The following BTK variants were observed in gnomAD, a reference collection of about 807,000 sequenced individuals.
BTK encodes the protein tyrosine-protein kinase BTK.
BTK carries 5 observed loss-of-function variants against 57.4 expected under a neutral mutation model. That is an observed-to-expected ratio of 0.09 (90% confidence interval 0.05 to 0.18). The LOEUF (loss-of-function observed/expected upper bound fraction) is 0.18. Ranked by LOEUF, BTK falls within the 10% of genes least tolerant of loss-of-function variation. The pLI is 1.00. For missense variants in BTK, 194 were observed against 501.2 expected (o/e 0.39, Z 5.85); for synonymous variants, 154 against 174.3 (o/e 0.88, Z 0.92).
chrX:101,374,029 A>G (rs1465062213), intron 3 of BTK, among the ~76,000 whole-genome samples: 2 of 110,241 alleles, frequency 1.8e-5, no homozygotes, highest in African/African-American at 3.3e-5. Flanking sequence ...TGGGCAACAG[A>G]GCGAGACTCT....
chrX:101,358,070 C>T, intron 12 of BTK: 1 of 499,493 alleles, frequency 2.0e-6, no homozygotes, highest in South Asian at 2.5e-5. Context: ...AATCAGTCAC[C>T]AGCCTCTTTT....
intron 7 of BTK, among the ~76,000 whole-genome samples, chrX:101,361,311 C>T (rs1352659694): frequency 9.0e-6 from 1 of 110,965 alleles, no homozygotes; most frequent in Admixed American, 9.6e-5. Context: ...GAATGGGACC[C>T]AAACATTACT....
chrX:101,368,600 A>G (rs1221530945), intron 5 of BTK, among the ~76,000 whole-genome samples: 1 of 112,538 alleles, frequency 8.9e-6, no homozygotes, highest in Non-Finnish European at 1.9e-5. Flanking sequence ...AAGATCAAAT[A>G]AGTAATACAT....
chrX:101,376,843 C>T (rs781891132), intron 1 of BTK, among the ~76,000 whole-genome samples: 11 of 110,424 alleles, frequency 1.0e-4, no homozygotes, highest in Non-Finnish European at 2.1e-4. Context: ...ACTTTTTAAG[C>T]AGATTATTGC....
At chrX:101,362,385 G>A (rs1926701762) in intron 6 of BTK, 145 bp from the exon 7 acceptor site, 6 of 971,790 alleles carry the variant, frequency 6.2e-6, no homozygotes, top group East Asian at 3.1e-5. Flanking sequence ...CACATAGCTT[G>A]GAGAGCAGAT....
chrX:101,371,834 C>T, intron 3 of BTK, 133 bp from the exon 4 acceptor site: 2 of 541,031 alleles, frequency 3.7e-6, no homozygotes, highest in South Asian at 5.0e-5. Flanking sequence ...TTAGTGATTA[C>T]TTTCTATAGG....
At chrX:101,355,486 G>C (rs1555977719) in intron 15 of BTK, 1 of 121,659 alleles carries the variant, frequency 8.2e-6, no homozygotes, top group African/African-American at 3.3e-5. Context: ...TGCAGGAAAT[G>C]GAGAGTACAT....
At chrX:101,382,707 C>T (rs1436441403) in intron 1 of BTK, among the ~76,000 whole-genome samples, 1 of 111,628 alleles carries the variant, frequency 9.0e-6, no homozygotes. Flanking sequence ...AGTGCCAGAT[C>T]AGATCAGTGG....
chrX:101,385,360 T>C (rs1555982350), intron 1 of BTK, among the ~76,000 whole-genome samples: 1 of 111,781 alleles, frequency 8.9e-6, no homozygotes, highest in African/African-American at 3.3e-5. Context: ...AGGGCAATGG[T>C]AAGAGGAGAA....
upstream of BTK, chrX:101,390,567 A>C (rs1158176450): frequency 1.8e-5 from 9 of 513,800 alleles, no homozygotes; most frequent in African/African-American, 2.1e-4. Context: ...ATGAACTGGA[A>C]CAATTGGCTC....
At chrX:101,380,195 C>T (rs781874143) in intron 1 of BTK, among the ~76,000 whole-genome samples, 1 of 111,709 alleles carries the variant, frequency 9.0e-6, no homozygotes. Context: ...CAGCCTCCAC[C>T]TCCTGGGCTC....
chrX:101,371,737 T>G (rs1555980333), intron 3 of BTK, 36 bp from the exon 4 acceptor site: 1 of 1,092,551 alleles, frequency 9.2e-7, no homozygotes, highest in Non-Finnish European at 1.3e-6. Context: ...TATTGGTTGA[T>G]GCATTGCTCT....
chrX:101,362,891 GTTTTC>G, intron 5 of BTK: 1 of 487,378 alleles, frequency 2.1e-6, no homozygotes, highest in Non-Finnish European at 3.6e-6. Flanking sequence ...TTCCTGTGCA[GTTTTC>G]TTTAGTGGTC....
intron 9 of BTK, 67 bp downstream of exon 9, chrX:101,360,021 A>AATAT (rs199758498): frequency 4.4e-5 from 12 of 270,008 alleles, no homozygotes; most frequent in African/African-American, 2.6e-4. Context: ...TAAATAAATA[A>AATAT]ATATATATAT....
chrX:101,389,023 G>A (rs1349127610), upstream of BTK, among the ~76,000 whole-genome samples: 1 of 111,495 alleles, frequency 9.0e-6, no homozygotes, highest in Admixed American at 9.6e-5. Flanking sequence ...TCACTTATAG[G>A]ATGTATAAGC....
chrX:101,362,742 A>G (rs1169443352), intron 5 of BTK, 53 bp from the exon 6 acceptor site: 6 of 1,206,353 alleles, frequency 5.0e-6, no homozygotes, highest in Non-Finnish European at 6.7e-6. Flanking sequence ...AGAAGCCACC[A>G]TTTGCATGTT....
chrX:101,349,541 C>CCA lies in BTK; in HGVS notation c.*342_*343dup, dbSNP rs200445244. 3.5e-5 allele frequency: 8 copies of CCA among 226,269 alleles called. No homozygotes were observed. The highest frequency in any genetic ancestry group is 1.6e-4 in the South Asian group (1 of 6,225). 18.6% of individuals were successfully genotyped at this position (226,269 alleles called of 1,213,427 possible). A position where few individuals can be genotyped will look rare whatever the true frequency, so the allele number is the denominator to read the frequency against. On this transcript the variant is annotated 3_prime_UTR_variant, in exon 19 of 19. Coordinates refer to ENST00000308731, the MANE Select transcript of BTK (RefSeq NM_000061.3). ...CATTCTTGCCAAATTCGGTCCACCC[C>CCA]CACACACACACCCCCAAGCTCTACC...
chrX:101,361,556 T>G (rs1926672508), intron 7 of BTK, among the ~76,000 whole-genome samples: 1 of 109,967 alleles, frequency 9.1e-6, no homozygotes, highest in African/African-American at 3.3e-5. Context: ...ATAGGTGGTG[T>G]TAGTGCTAAG....
intron 5 of BTK, among the ~76,000 whole-genome samples, chrX:101,363,785 C>T (rs139502309): frequency 2.8e-3 from 303 of 108,417 alleles, no homozygotes; most frequent in Middle Eastern, 9.6e-3. Flanking sequence ...ATTGAAATAA[C>T]TGATAGCAGC....
Sources: gnomAD v4.1 joint callset for allele counts (sites outside exome capture counted in the v4.1 genomes callset) on GRCh38, gnomAD v4.1.1 for gene constraint, MANE v1.5 for transcripts, NCBI Gene and HGNC (gene_info 2026-07-23, HGNC 2026-07-21) for gene names.